The following SNX29 variants were observed in gnomAD, a reference collection of about 807,000 sequenced individuals.
SNX29 encodes the protein sorting nexin 29.
Under a neutral mutation model 102.1 loss-of-function variants are expected in SNX29, and 78 were observed. The ratio of observed to expected loss-of-function variants is 0.76; its 90% CI spans 0.64 to 0.92. The LOEUF is 0.92. SNX29 is among the 40% of genes least tolerant of loss of function. SNX29 has a pLI of 0.00. For synonymous variants in SNX29, 580 were observed against 414.5 expected, an observed-to-expected ratio of 1.40 and a Z score of -4.85; for missense variants, 1,280 against 1,061.7, an observed-to-expected ratio of 1.21 and a Z score of -2.86.
intron 19 of SNX29, among the ~76,000 whole-genome samples, chr16:12,518,554 T>C (rs1007903870): frequency 2.6e-5 from 4 of 152,184 alleles, no homozygotes; most frequent in Admixed American, 2.6e-4. Flanking sequence ...TGACACGCTC[T>C]CTCCAGCCCT....
intron 11 of SNX29, among the ~76,000 whole-genome samples, chr16:12,112,136 A>G (rs2053525451): frequency 6.6e-6 from 1 of 152,164 alleles, no homozygotes; most frequent in African/African-American, 2.4e-5. Context: ...AGCTGGGTCA[A>G]CTGCCCAACT....
At chr16:12,145,219 A>G (rs779086810) in intron 13 of SNX29, among the ~76,000 whole-genome samples, 11 of 151,854 alleles carry the variant, frequency 7.2e-5, no homozygotes, top group Non-Finnish European at 1.3e-4. Context: ...AAAAAAAATT[A>G]CCTTTAAATT....
chr16:12,319,494 T>G (rs1245527806), intron 15 of SNX29, among the ~76,000 whole-genome samples: 2 of 152,044 alleles, frequency 1.3e-5, no homozygotes, highest in African/African-American at 4.8e-5. Context: ...AAGAAAAAAT[T>G]AGGACTCCTA....
rs374073878 is a variant in SNX29, at chr16:12,569,320, C to T, written c.*691C>T. On this transcript the variant is annotated 3_prime_UTR_variant, in exon 21 of 21. Transcript: ENST00000566228. The stretch of plus-strand genomic sequence containing the variant: ...TGGCTGGCTTCAGGAAGGACCAGTG[C>T]CCTCCATAGCCTGAGGCCACCTAGG... 7 of 229,550 alleles carry T rather than the reference C, an allele frequency of 3.0e-5. No homozygotes were observed. The highest frequency in any genetic ancestry group is 1.6e-4 in the African/African-American group (7 of 45,074). 14.2% of individuals were successfully genotyped at this position (229,550 alleles called of 1,614,324 possible). A position where few individuals can be genotyped will look rare whatever the true frequency, so the allele number is the denominator to read the frequency against.
rs868290095 is a variant in SNX29, at chr16:12,043,063, C to T, written c.414C>T (p.Asp138=). The change falls in exon 5 of 21, where the codon GAC becomes GAT. Residue 138 remains aspartate (D), a synonymous_variant. Transcript: ENST00000566228. ...LERYLHMLLA[D]RCRLSTFYED... The stretch of plus-strand genomic sequence containing the variant: ...GCTACCTGCACATGCTCCTGGCCGA[C>T]CGCTGCAGGCTGAGGTACGTGGCCG... The T allele has an allele frequency of 6.2e-7, 1 of 1,613,286 alleles. No homozygotes were observed. Among genetic ancestry groups the T allele is most frequent in the Non-Finnish European group, 8.5e-7 (1 of 1,179,830 alleles).
chr16:12,010,992 T>C (rs2056630637), intron 3 of SNX29, among the ~76,000 whole-genome samples: 1 of 152,112 alleles, frequency 6.6e-6, no homozygotes, highest in African/African-American at 2.4e-5. Flanking sequence ...ACAAGTTTCT[T>C]ACCAGCCTCT....
At chr16:12,340,690 G>A (rs925890600) in intron 15 of SNX29, among the ~76,000 whole-genome samples, 1 of 152,130 alleles carries the variant, frequency 6.6e-6, no homozygotes, top group African/African-American at 2.4e-5. Flanking sequence ...GGGACCAGAA[G>A]GGACGATCTC....
In SNX29 at chr16:12,144,910, A is replaced by G. The variant is rs138968355; in HGVS notation, c.1595+15152A>G. 5.3e-3 allele frequency among the ~76,000 whole-genome samples: 808 copies of G among 152,180 alleles called. 8 individuals are homozygous for G. Among genetic ancestry groups the G allele is most frequent in the African/African-American group, 0.019 (772 of 41,530 alleles). On this transcript the variant is annotated intron_variant, in intron 13 of 20. Transcript: ENST00000566228. ...CAAAGTTTTTGTATTTTTAGTAGAG[A>G]CGGGGTTTCACCGGGTTAGCCAGGA... is the stretch of plus-strand genomic sequence containing the variant.
chr16:12,359,074 G>C (rs1259576298), intron 16 of SNX29, among the ~76,000 whole-genome samples: 1 of 152,244 alleles, frequency 6.6e-6, no homozygotes, highest in Non-Finnish European at 1.5e-5. Context: ...AGAAGTACAG[G>C]TAAAATAACC....
intron 19 of SNX29, among the ~76,000 whole-genome samples, chr16:12,507,280 C>G (rs929769433): frequency 6.6e-6 from 1 of 152,174 alleles, no homozygotes; most frequent in Non-Finnish European, 1.5e-5. Context: ...TGAGCAGGCC[C>G]TCAGTAGATG....
chr16:12,542,875 C>T (rs1207850941), intron 20 of SNX29, among the ~76,000 whole-genome samples: 1 of 151,922 alleles, frequency 6.6e-6, no homozygotes, highest in African/African-American at 2.4e-5. Context: ...GTCTGAGTCT[C>T]TAGAGGTCCC....
chr16:12,447,557 G>T (rs1023976348), intron 18 of SNX29, among the ~76,000 whole-genome samples: 1 of 152,214 alleles, frequency 6.6e-6, no homozygotes, highest in Admixed American at 6.5e-5. Flanking sequence ...GAAGAAGACA[G>T]TGTAAACCAG....
chr16:12,131,980 C>G (rs2054486579), intron 13 of SNX29, among the ~76,000 whole-genome samples: 1 of 152,188 alleles, frequency 6.6e-6, no homozygotes, highest in Non-Finnish European at 1.5e-5. Context: ...CTGGACCACC[C>G]TTTTGCCTGG....
intron 13 of SNX29, among the ~76,000 whole-genome samples, chr16:12,164,493 A>C (rs1028310574): frequency 1.3e-5 from 2 of 152,100 alleles, no homozygotes; most frequent in Non-Finnish European, 2.9e-5. Context: ...TACAACCTTG[A>C]GAAGATTGAG....
chr16:12,528,627 C>G (rs1037501826), intron 20 of SNX29, among the ~76,000 whole-genome samples: 1 of 152,196 alleles, frequency 6.6e-6, no homozygotes, highest in African/African-American at 2.4e-5. Context: ...AGCATCCCCT[C>G]CATGCTGTTT....
intron 13 of SNX29, among the ~76,000 whole-genome samples, chr16:12,148,309 G>A (rs1405744335): frequency 6.6e-6 from 1 of 152,142 alleles, no homozygotes; most frequent in Non-Finnish European, 1.5e-5. Flanking sequence ...TGGCGACCTA[G>A]CGTGGGATAG....
intron 18 of SNX29, among the ~76,000 whole-genome samples, chr16:12,470,237 G>A (rs911403336): frequency 1.3e-5 from 2 of 152,230 alleles, no homozygotes; most frequent in Non-Finnish European, 2.9e-5. Context: ...AGTGAAGTTT[G>A]AAATGGAGAG....
At chr16:12,532,349 T>C (rs2076954778) in intron 20 of SNX29, among the ~76,000 whole-genome samples, 1 of 152,196 alleles carries the variant, frequency 6.6e-6, no homozygotes, top group South Asian at 2.1e-4. Flanking sequence ...GTGCCTGTGT[T>C]GTGTGGTTCT....
intron 13 of SNX29, among the ~76,000 whole-genome samples, chr16:12,186,831 A>C (rs183083129): frequency 1.3e-5 from 2 of 152,302 alleles, no homozygotes; most frequent in Admixed American, 1.3e-4. Context: ...ACAGGAACTC[A>C]AGGCTTTTAA....
Sources: allele counts gnomAD v4.1 joint callset (sites outside exome capture counted in the v4.1 genomes callset), GRCh38; gene constraint gnomAD v4.1.1; transcripts MANE v1.5; gene names NCBI Gene and HGNC (gene_info 2026-07-23, HGNC 2026-07-21).